HSD17B12: variants seen among roughly 807,000 people sequenced by gnomAD.
The protein encoded by HSD17B12 is very-long-chain 3-oxoacyl-CoA reductase.
In HSD17B12, 32 loss-of-function variants were observed where a neutral mutation model predicts 39.3. The ratio of observed to expected loss-of-function variants is 0.81; its 90% confidence interval spans 0.61 to 1.09. The LOEUF is 1.09. HSD17B12 is among the 50% of genes least tolerant of loss of function. The pLI is 0.00. For missense variants in HSD17B12, 342 were observed against 382.9 expected (o/e 0.89, Z 0.89); for synonymous variants, 150 against 146.7 (o/e 1.02, Z -0.16).
At chr11:43,561,573 C>G in the HSD17B12 span, among the ~76,000 whole-genome samples, 1 of 152,142 alleles carries the variant, frequency 6.6e-6, no homozygotes, top group Non-Finnish European at 1.5e-5. Flanking sequence ...AGAATGAAGA[C>G]TATGGACCCT....
chr11:43,693,375 T>A (rs183967117), intron 1 of HSD17B12, among the ~76,000 whole-genome samples: 2 of 152,300 alleles, frequency 1.3e-5, no homozygotes, highest in Admixed American at 1.3e-4. Flanking sequence ...GAAACTGGTA[T>A]GAGGCAAGAA....
intron 1 of HSD17B12, among the ~76,000 whole-genome samples, chr11:43,747,605 C>T (rs2134932164): frequency 6.6e-6 from 1 of 152,298 alleles, no homozygotes; most frequent in Non-Finnish European, 1.5e-5. Flanking sequence ...GAAAGACACT[C>T]CTTTGAAGCG....
chr11:43,854,903 G>A, intron 10 of HSD17B12, 39 bp downstream of exon 10: 1 of 1,604,122 alleles, frequency 6.2e-7, no homozygotes. Context: ...ATACTTTCTG[G>A]CTTGGGGTTT....
chr11:43,855,100 A>T (rs759516500), intron 10 of HSD17B12, 44 bp from the exon 11 acceptor site: 7 of 1,356,650 alleles, frequency 5.2e-6, no homozygotes, highest in Middle Eastern at 1.8e-4. Flanking sequence ...TTTAGCCCAA[A>T]TTGTAGGCTA....
At chr11:43,660,599 G>A in the HSD17B12 span, among the ~76,000 whole-genome samples, 3 of 152,312 alleles carry the variant, frequency 2.0e-5, no homozygotes, top group South Asian at 6.2e-4. Flanking sequence ...AACTGGTACA[G>A]CCACTTTGGA....
chr11:43,754,778 A>T, intron 3 of HSD17B12: 2 of 648,606 alleles, frequency 3.1e-6, no homozygotes, highest in Non-Finnish European at 5.5e-6. Flanking sequence ...TTTTTATCTC[A>T]GTGTTTCTAA....
intron 3 of HSD17B12, among the ~76,000 whole-genome samples, chr11:43,787,729 T>A (rs1950828456): frequency 7.1e-6 from 1 of 140,336 alleles, no homozygotes; most frequent in African/African-American, 2.6e-5. Context: ...AGAGCAAGAC[T>A]CCGTCTCGGA....
At chr11:43,559,780 C>G in the HSD17B12 span, 1 of 155,924 alleles carries the variant, frequency 6.4e-6, no homozygotes, top group Non-Finnish European at 1.5e-5. Flanking sequence ...TTACAGCAAG[C>G]AGGTGTCTAC....
chr11:43,623,087 T>C, the HSD17B12 span, among the ~76,000 whole-genome samples: 2 of 152,126 alleles, frequency 1.3e-5, no homozygotes, highest in Admixed American at 1.3e-4. Flanking sequence ...GGAAAAATAG[T>C]GTTGCTCAAG....
At chr11:43,793,094 T>C (rs1950883333) in intron 3 of HSD17B12, among the ~76,000 whole-genome samples, 1 of 152,142 alleles carries the variant, frequency 6.6e-6, no homozygotes. Context: ...GCTTAATATA[T>C]TAAGTGCCTC....
the HSD17B12 span, among the ~76,000 whole-genome samples, chr11:43,669,072 C>T: frequency 6.6e-6 from 1 of 150,738 alleles, no homozygotes; most frequent in African/African-American, 2.4e-5. Context: ...CAACCAGAGT[C>T]AATGACAGGA....
intron 1 of HSD17B12, among the ~76,000 whole-genome samples, chr11:43,697,394 A>G (rs1303628993): frequency 6.6e-6 from 1 of 152,206 alleles, no homozygotes; most frequent in East Asian, 1.9e-4. Flanking sequence ...TGGTAATAAG[A>G]TGTAATGTTT....
chr11:43,698,181 G>C (rs1291473852), intron 1 of HSD17B12, among the ~76,000 whole-genome samples: 1 of 152,158 alleles, frequency 6.6e-6, no homozygotes, highest in Non-Finnish European at 1.5e-5. Context: ...AGACAGCAGA[G>C]TCCAAAAGGA....
chr11:43,742,622 T>C (rs190862950), intron 1 of HSD17B12, among the ~76,000 whole-genome samples: 1 of 152,176 alleles, frequency 6.6e-6, no homozygotes, highest in Non-Finnish European at 1.5e-5. Context: ...AAAGGCTTTG[T>C]CATTTCCTTT....
chr11:43,837,061 A>G (rs1026265788), intron 7 of HSD17B12, among the ~76,000 whole-genome samples: 2 of 152,146 alleles, frequency 1.3e-5, no homozygotes, highest in Non-Finnish European at 2.9e-5. Flanking sequence ...AACAACAACA[A>G]CAACTTCTTT....
the HSD17B12 span, among the ~76,000 whole-genome samples, chr11:43,629,741 T>C: frequency 2.0e-5 from 3 of 152,166 alleles, no homozygotes; most frequent in Non-Finnish European, 4.4e-5. Context: ...GCCCACCGGG[T>C]TGGACTTCCA....
At chr11:43,770,554 A>T (rs1950639134) in intron 3 of HSD17B12, among the ~76,000 whole-genome samples, 1 of 152,138 alleles carries the variant, frequency 6.6e-6, no homozygotes, top group Non-Finnish European at 1.5e-5. Context: ...ACATAGGGAG[A>T]CCGTGTCTCT....
At chr11:43,677,256 G>C (rs1210494859), upstream of HSD17B12, among the ~76,000 whole-genome samples, 2 of 152,032 alleles carry the variant, frequency 1.3e-5, no homozygotes, top group Non-Finnish European at 2.9e-5. Flanking sequence ...ATGTTGAACT[G>C]TTACCCTTAG....
At chr11:43,689,742 T>C (rs1590661386) in intron 1 of HSD17B12, among the ~76,000 whole-genome samples, 1 of 151,512 alleles carries the variant, frequency 6.6e-6, no homozygotes, top group South Asian at 2.1e-4. Flanking sequence ...AGAGACGGGG[T>C]TTCACCATAC....
Sources: allele counts gnomAD v4.1 joint callset (sites outside exome capture counted in the v4.1 genomes callset), GRCh38; gene constraint gnomAD v4.1.1; transcripts MANE v1.5; gene names NCBI Gene and HGNC (gene_info 2026-07-23, HGNC 2026-07-21).